AMY2B: variants seen among roughly 807,000 people sequenced by gnomAD.
The protein encoded by AMY2B is alpha-amylase 2B.
In AMY2B, 63 loss-of-function variants were observed where a neutral mutation model predicts 59.3. That is an observed-to-expected ratio of 1.06 (90% CI 0.87 to 1.31). The LOEUF (loss-of-function observed/expected upper bound fraction) is 1.31. Ranked by LOEUF, AMY2B falls within the 50% of genes most tolerant of loss-of-function variation. The probability of loss-of-function intolerance (pLI) is 0.00; values close to 1 mark genes in which losing one functional copy is unlikely to be tolerated. For missense variants in AMY2B, 635 were observed against 626.7 expected (o/e 1.01, Z -0.14); for synonymous variants, 180 against 198.1 (o/e 0.91, Z 0.77).
chr1:103,569,937 C>A (rs1025971892), upstream of AMY2B: 1 of 469,970 alleles, frequency 2.1e-6, no homozygotes, highest in Non-Finnish European at 4.2e-6. Flanking sequence ...ACCTTCAACA[C>A]CCTGGCCATG....
In AMY2B at chr1:103,579,530, C is replaced by G. The variant is rs762882847; in HGVS notation, c.*30C>G. ...TAAAATTAAATGCATATCCTCAAAA[C>G]AATAGCCAAGTGTGTTTCTTTTCTT... On this transcript the variant is annotated 3_prime_UTR_variant, in exon 10 of 10. Coordinates refer to ENST00000684275, the MANE Select transcript of AMY2B (RefSeq NM_001387437.1). 4 of 1,600,934 alleles carry G rather than the reference C, an allele frequency of 2.5e-6. No individual in the cohort carries two copies. Among genetic ancestry groups the G allele is most frequent in the Middle Eastern group, 2.3e-4 (1 of 4,380 alleles).
chr1:103,561,187 T>G (rs553160723), intron 1 of AMY2B, among the ~76,000 whole-genome samples: 1 of 152,340 alleles, frequency 6.6e-6, no homozygotes, highest in South Asian at 2.1e-4. Flanking sequence ...AGACTTTAAT[T>G]TTTTTCTAAG....
chr1:103,570,314 C>A, upstream of AMY2B: 1 of 622,154 alleles, frequency 1.6e-6, no homozygotes, highest in Non-Finnish European at 3.1e-6. Flanking sequence ...AATGAGGTTG[C>A]AGTGTCCCGA....
At chr1:103,558,834 G>A (rs1415330869) in intron 1 of AMY2B, among the ~76,000 whole-genome samples, 2 of 150,516 alleles carry the variant, frequency 1.3e-5, no homozygotes, top group Non-Finnish European at 3.0e-5. Context: ...TTACCACTTA[G>A]TCTTTAATCT....
rs748440825 is a variant in AMY2B at position 103,573,948 on chromosome 1, T to A, written c.744+10T>A. 3 of 1,613,588 alleles carry A rather than the reference T, an allele frequency of 1.9e-6. No individual in the cohort carries two copies. The East Asian group carries it at 6.7e-5, about 36-fold the overall frequency. ...TTTCATTTACCAGGAGGTACATCAA[T>A]ACATATATGCATATAAAATATCATC... is the stretch of plus-strand genomic sequence containing the variant. On this transcript the variant is annotated intron_variant, in intron 4 of 9. Coordinates refer to ENST00000684275, the MANE Select transcript of AMY2B (RefSeq NM_001387437.1).
upstream of AMY2B, chr1:103,570,009 G>A (rs1652057574): frequency 2.3e-6 from 1 of 441,820 alleles, no homozygotes; most frequent in African/African-American, 2.0e-5. Context: ...GCATTGTCAT[G>A]GGCTTTGGAG....
In AMY2B at chr1:103,577,943, A is replaced by T. The variant is rs1652430079; in HGVS notation, c.1346+98A>T. 7.3e-5 allele frequency: 115 copies of T among 1,569,408 alleles called. 2 individuals carry two copies. The South Asian group carries it at 1.3e-3, about 18-fold the overall frequency. ...TGACATTTATCATATCTGAAAAATC[A>T]TGTAGTCAGTGGAGCAAGAAGACAA... On this transcript the variant is annotated intron_variant, in intron 9 of 9. Transcript: ENST00000684275.
chr1:103,572,361 T>G, intron 2 of AMY2B, 105 bp downstream of exon 2: 1 of 1,508,630 alleles, frequency 6.6e-7, no homozygotes, highest in Non-Finnish European at 8.8e-7. Flanking sequence ...TTTATTTTTT[T>G]AATTTTACTT....
intron 7 of AMY2B, among the ~76,000 whole-genome samples, chr1:103,576,154 A>C (rs564363832): frequency 6.6e-6 from 1 of 152,338 alleles, no homozygotes; most frequent in South Asian, 2.1e-4. Context: ...CAGAGAAATA[A>C]GAGTGTACAG....
At chr1:103,555,485 C>T (rs1651520677) in intron 1 of AMY2B, among the ~76,000 whole-genome samples, 2 of 151,882 alleles carry the variant, frequency 1.3e-5, no homozygotes. Context: ...GGGTTTATCC[C>T]AATTTAGAAA....
chr1:103,563,864 A>G (rs532414388), intron 1 of AMY2B, among the ~76,000 whole-genome samples: 1 of 152,128 alleles, frequency 6.6e-6, no homozygotes, highest in African/African-American at 2.4e-5. Flanking sequence ...GGAAGGAAGG[A>G]AAAAATTGCA....
At chr1:103,567,223 A>C (rs1322884667), upstream of AMY2B, among the ~76,000 whole-genome samples, 2 of 152,118 alleles carry the variant, frequency 1.3e-5, no homozygotes. Flanking sequence ...TGGATGTGGA[A>C]GGGGATGATA....
chr1:103,570,730 A>T (rs1302314924), upstream of AMY2B: 1 of 523,686 alleles, frequency 1.9e-6, no homozygotes, highest in Non-Finnish European at 3.9e-6. Flanking sequence ...AGAAGTAAAA[A>T]TTTGCCCCTG....
chr1:103,559,958 A>T (rs565525561), intron 1 of AMY2B, among the ~76,000 whole-genome samples: 1 of 152,206 alleles, frequency 6.6e-6, no homozygotes, highest in East Asian at 1.9e-4. Context: ...ATGTATACAG[A>T]TGTTCATTAT....
At chr1:103,577,883 G>C (rs772760702) in intron 9 of AMY2B, 38 bp downstream of exon 9, 2 of 1,595,700 alleles carry the variant, frequency 1.3e-6, no homozygotes, top group Admixed American at 1.7e-5. Context: ...TTTTGTACCT[G>C]TATGCTCTTG....
chr1:103,568,576 A>C (rs775862954), upstream of AMY2B: 1 of 152,198 alleles, frequency 6.6e-6, no homozygotes, highest in Non-Finnish European at 1.5e-5. Flanking sequence ...CTGATTTTAA[A>C]AATGGAAATA....
chr1:103,563,787 GT>G (rs1261104116), intron 1 of AMY2B, among the ~76,000 whole-genome samples: 1 of 152,084 alleles, frequency 6.6e-6, no homozygotes, highest in Non-Finnish European at 1.5e-5. Context: ...TTGTTGAAAA[GT>G]ATATTTCAAA....
chr1:103,556,305 T>C (rs1238946582), intron 1 of AMY2B, among the ~76,000 whole-genome samples: 1 of 152,234 alleles, frequency 6.6e-6, no homozygotes, highest in Non-Finnish European at 1.5e-5. Flanking sequence ...AAAGTTGAGA[T>C]TTCCCTAGGT....
upstream of AMY2B, chr1:103,571,021 TATTA>T: frequency 2.7e-6 from 1 of 370,398 alleles, no homozygotes; most frequent in South Asian, 3.1e-5. Context: ...CTGTGCAGGG[TATTA>T]ATGTGTCAGG....
Sources: allele counts gnomAD v4.1 joint callset (sites outside exome capture counted in the v4.1 genomes callset), GRCh38; gene constraint gnomAD v4.1.1; transcripts MANE v1.5; gene names NCBI Gene and HGNC (gene_info 2026-07-23, HGNC 2026-07-21).